Variants in BCL2A1 observed in about 807,000 individuals in gnomAD.
The protein encoded by BCL2A1 is BCL2 related protein A1.
A neutral mutation model predicts 14.4 loss-of-function variants in BCL2A1; 10 were observed. The ratio of observed to expected loss-of-function variants is 0.69; its 90% CI spans 0.43 to 1.18. The LOEUF (loss-of-function observed/expected upper bound fraction) is 1.18. BCL2A1 is among the 50% of genes most tolerant of loss of function. The pLI is 0.00. For synonymous variants in BCL2A1, 71 were observed against 76.5 expected (o/e 0.93, Z 0.38); for missense variants, 158 against 205.0 (o/e 0.77, Z 1.40).
At chr15:79,963,454 G>A (rs547335033) in intron 1 of BCL2A1, among the ~76,000 whole-genome samples, 1 of 152,232 alleles carries the variant, frequency 6.6e-6, no homozygotes, top group Non-Finnish European at 1.5e-5. Flanking sequence ...TTATTAACAA[G>A]TATATGGGAA....
At position 79,969,643 on chromosome 15, in the gene BCL2A1, T is replaced by TA. The variant is rs551348703; in HGVS notation, c.420+1056dup. Among the ~76,000 whole-genome samples, 706 of 152,228 alleles carry TA rather than the reference T, an allele frequency of 4.6e-3. 9 individuals carry two copies. The highest frequency in any genetic ancestry group is 0.017 in the African/African-American group (690 of 41,498). On this transcript the variant is annotated intron_variant, in intron 1 of 1. Coordinates refer to ENST00000267953, the MANE Select transcript of BCL2A1 (RefSeq NM_004049.4). ...TGTATGCAAAATTTATATGTATACATAAAAAATCTATGTGTATATGTAAAA... is the reference window on the plus strand; with the variant it reads ...TGTATGCAAAATTTATATGTATACATAAAAAAATCTATGTGTATATGTAAAA...
In BCL2A1 at chr15:79,967,821, A is replaced by G. The variant is rs571454444; in HGVS notation, c.420+2879T>C. On this transcript the variant is annotated intron_variant, in intron 1 of 1. Transcript: ENST00000267953. Reference sequence around the variant, plus strand: ...AAAAAGCACTGCCTATCGTTGACAGAATCAATGTCTCATCTGAGCTGGGAA... The same window carrying G: ...AAAAAGCACTGCCTATCGTTGACAGGATCAATGTCTCATCTGAGCTGGGAA... 4.8e-6 allele frequency: 3 copies of G among 622,198 alleles called. No individual in the cohort carries two copies. In the Admixed American group the frequency reaches 8.2e-5, roughly 17 times the overall value. The allele number at this position is 622,198 out of a possible 1,614,324, so 38.5% of individuals were successfully genotyped here. A position where few individuals can be genotyped will look rare whatever the true frequency, so the allele number is the denominator to read the frequency against.
chr15:79,966,360 G>T (rs954993945), intron 1 of BCL2A1, among the ~76,000 whole-genome samples: 1 of 152,144 alleles, frequency 6.6e-6, no homozygotes, highest in African/African-American at 2.4e-5. Context: ...CAAATATTCA[G>T]TTTCAGTGTT....
At chr15:79,967,649 G>A (rs781751369) in intron 1 of BCL2A1, 1 of 1,596,388 alleles carries the variant, frequency 6.3e-7, no homozygotes, top group Admixed American at 1.7e-5. Flanking sequence ...CTTCTTGTGG[G>A]CCACTGACTC....
intron 1 of BCL2A1, among the ~76,000 whole-genome samples, chr15:79,968,688 T>G (rs1331075244): frequency 1.3e-5 from 2 of 152,256 alleles, no homozygotes; most frequent in Non-Finnish European, 2.9e-5. Context: ...CCCATCACTT[T>G]GGGAGGCCAA....
At chr15:79,963,950 TACAATATGTC>T (rs2035514165) in intron 1 of BCL2A1, among the ~76,000 whole-genome samples, 1 of 152,206 alleles carries the variant, frequency 6.6e-6, no homozygotes, top group African/African-American at 2.4e-5. Context: ...TGAAAATATC[TACAATATGTC>T]ACAGGAAAAA....
chr15:79,969,192 T>G (rs2035571576), intron 1 of BCL2A1, among the ~76,000 whole-genome samples: 1 of 152,016 alleles, frequency 6.6e-6, no homozygotes, highest in African/African-American at 2.4e-5. Context: ...TTAAGAAAAT[T>G]ATGATGAATT....
chr15:79,963,049 T>G (rs893299957), intron 1 of BCL2A1, among the ~76,000 whole-genome samples: 3 of 152,128 alleles, frequency 2.0e-5, no homozygotes, highest in African/African-American at 7.2e-5. Context: ...TGGCGCGATC[T>G]CAGCTGGCCG....
Position 79,970,904 on chromosome 15 carries a change from G to A in BCL2A1, c.216C>T (p.Asn72=). The A allele has an allele frequency of 1.2e-6, 2 of 1,614,154 alleles. No individual in the cohort carries two copies. The highest frequency in any genetic ancestry group is 1.7e-6 in the Non-Finnish European group (2 of 1,180,002). ...CTTCAAACTCCTTTTCCATCACTTG[G>A]TTGAATAGTGTTCTGGCAGTGTCTA... is the stretch of plus-strand genomic sequence containing the variant. ...VSVDTARTLF[N]QVMEKEFEDG... is the part of the protein sequence containing the mutation. Residue 72 remains asparagine (N), a synonymous_variant, in exon 1 of 2, where the codon AAC becomes AAT. Coordinates refer to ENST00000267953, the MANE Select transcript of BCL2A1 (RefSeq NM_004049.4).
At chr15:79,962,851 TTTA>T (rs1483086178) in intron 1 of BCL2A1, among the ~76,000 whole-genome samples, 8 of 151,784 alleles carry the variant, frequency 5.3e-5, no homozygotes, top group Non-Finnish European at 1.2e-4. Context: ...CAGCATGATT[TTTA>T]TTATTATGAC....
At chr15:79,962,105 G>A (rs1366153442) in intron 1 of BCL2A1, among the ~76,000 whole-genome samples, 3 of 152,104 alleles carry the variant, frequency 2.0e-5, no homozygotes, top group African/African-American at 7.2e-5. Context: ...AAACATTTAC[G>A]TCTTCACCTT....
In BCL2A1 at chr15:79,971,007, T is replaced by C; in HGVS notation, c.113A>G (p.Gln38Arg). The C allele has an allele frequency of 6.2e-7, 1 of 1,614,248 alleles. No individual in the cohort carries two copies. Among genetic ancestry groups the C allele is most frequent in the Non-Finnish European group, 8.5e-7 (1 of 1,180,036 alleles). ...TTTTTGGACTGAGAACGCAACATTT[T>C]GTAGCACTCTGGACGTTTTGCTTGG... ...SGPSKTSRVL[Q>R]NVAFSVQKEV... Residue 38 changes from glutamine to arginine, a missense_variant, in exon 1 of 2, where the codon CAA (glutamine) becomes CGA (arginine). Physicochemically the swap from Gln to Arg is conservative, Grantham distance 43. Transcript: ENST00000267953.
At chr15:79,965,918 T>C (rs1446869232) in intron 1 of BCL2A1, among the ~76,000 whole-genome samples, 1 of 150,148 alleles carries the variant, frequency 6.7e-6, no homozygotes, top group Non-Finnish European at 1.5e-5. Flanking sequence ...TTATTTGGCC[T>C]CAAATTGACC....
chr15:79,969,102 T>TAA (rs149567094), intron 1 of BCL2A1, among the ~76,000 whole-genome samples: 2 of 149,750 alleles, frequency 1.3e-5, no homozygotes, highest in African/African-American at 4.9e-5. Flanking sequence ...GCTCAAAATG[T>TAA]AAAAAAAAAA....
At chr15:79,968,053 C>T (rs748198095) in intron 1 of BCL2A1, among the ~76,000 whole-genome samples, 1 of 152,112 alleles carries the variant, frequency 6.6e-6, no homozygotes, top group African/African-American at 2.4e-5. Context: ...ACATCTGTAC[C>T]ACCCTTGAAA....
intron 1 of BCL2A1, among the ~76,000 whole-genome samples, chr15:79,969,728 T>C (rs1482466118): frequency 6.6e-6 from 1 of 152,214 alleles, no homozygotes; most frequent in African/African-American, 2.4e-5. Flanking sequence ...TAAGCATACA[T>C]ATACATTTTA....
At position 79,970,966 on chromosome 15, in the gene BCL2A1, G is replaced by C; in HGVS notation, c.154C>G (p.Leu52Val). The change falls in exon 1 of 2, where the codon CTG (leucine) becomes GTG (valine). Residue 52 changes from leucine (L) to valine (V), a missense_variant. Transcript: ENST00000267953. ...FSVQKEVEKN[L>V]KSCLDNVNVV... Reference sequence around the variant, plus strand: ...TTAACATTGTCCAAGCATGACTTCAGATTCTTTTCCACTTCTTTTTGGACT... The same window carrying C: ...TTAACATTGTCCAAGCATGACTTCACATTCTTTTCCACTTCTTTTTGGACT... 6.2e-7 allele frequency: 1 copy of C among 1,614,236 alleles called. No individual in the cohort carries two copies. The highest frequency in any genetic ancestry group is 2.2e-5 in the East Asian group (1 of 44,894).
intron 1 of BCL2A1, among the ~76,000 whole-genome samples, chr15:79,962,205 T>C (rs894052486): frequency 6.6e-6 from 1 of 152,184 alleles, no homozygotes; most frequent in Non-Finnish European, 1.5e-5. Flanking sequence ...AGCATAACTC[T>C]TTGATAGTTG....
chr15:79,962,485 T>G (rs1054792080), intron 1 of BCL2A1, among the ~76,000 whole-genome samples: 1 of 152,146 alleles, frequency 6.6e-6, no homozygotes, highest in Non-Finnish European at 1.5e-5. Flanking sequence ...TCCACTTCAT[T>G]ACTCCCCTTC....
Sources: allele counts gnomAD v4.1 joint callset (sites outside exome capture counted in the v4.1 genomes callset), GRCh38; gene constraint gnomAD v4.1.1; transcripts MANE v1.5; gene names NCBI Gene and HGNC (gene_info 2026-07-23, HGNC 2026-07-21).